PSD3: variants seen among roughly 807,000 people sequenced by gnomAD.
PSD3 encodes pleckstrin and Sec7 domain containing 3, also known as PH and SEC7 domain-containing protein 3.
In PSD3, 49 loss-of-function variants were observed where a neutral mutation model predicts 105.5. The observed-to-expected ratio is 0.46, with a 90% CI of 0.37 to 0.59. The LOEUF (loss-of-function observed/expected upper bound fraction) is 0.59, where lower values mean the gene tolerates loss of function less well. Among genes scored for constraint, PSD3 ranks in the 20% least tolerant of loss-of-function variants. The pLI, the probability that PSD3 is intolerant of heterozygous loss-of-function variation, is 0.00. For synonymous variants in PSD3, 557 were observed against 457.8 expected (o/e 1.22, Z -2.77); for missense variants, 1,561 against 1,263.8 (o/e 1.24, Z -3.57).
chr8:18,888,322 G>A lies in PSD3; in HGVS notation c.131-15589C>T, dbSNP rs938476903. ...TGGGCCAATGCCTTAAAACTTTCCA[G>A]CTTTAGCTTCCTTATCTCTGAGCTA... On this transcript the variant is annotated intron_variant, in intron 2 of 15. Transcript: ENST00000327040. Among the ~76,000 whole-genome samples the A allele has an allele frequency of 3.9e-5, 6 of 152,254 alleles. No homozygotes were observed. The East Asian group carries it at 1.2e-3, about 29-fold the overall frequency.
chr8:18,907,801 A>G (rs1819945261), intron 2 of PSD3, among the ~76,000 whole-genome samples: 1 of 152,254 alleles, frequency 6.6e-6, no homozygotes, highest in Admixed American at 6.5e-5. Flanking sequence ...CAACAGACAA[A>G]TAACAAACAG....
intron 1 of PSD3, among the ~76,000 whole-genome samples, chr8:18,947,065 AGTCCCTC>A (rs1563451547): frequency 6.6e-6 from 1 of 152,300 alleles, no homozygotes; most frequent in East Asian, 1.9e-4. Context: ...CCCTACAACC[AGTCCCTC>A]GTCCCCTCAC....
intron 4 of PSD3, among the ~76,000 whole-genome samples, chr8:18,824,119 G>C (rs1365217794): frequency 6.6e-6 from 1 of 152,142 alleles, no homozygotes; most frequent in Non-Finnish European, 1.5e-5. Context: ...GCTACAATCA[G>C]GTATGATCAT....
At chr8:18,773,856 T>C (rs1316400061) in intron 8 of PSD3, among the ~76,000 whole-genome samples, 1 of 152,216 alleles carries the variant, frequency 6.6e-6, no homozygotes, top group Non-Finnish European at 1.5e-5. Context: ...AGTACTTCAG[T>C]CTTAACAATA....
chr8:18,548,034 T>C (rs1281385525), intron 15 of PSD3, among the ~76,000 whole-genome samples: 1 of 152,222 alleles, frequency 6.6e-6, no homozygotes, highest in Non-Finnish European at 1.5e-5. Context: ...TAGGTATTTT[T>C]AACTGACATG....
intron 1 of PSD3, among the ~76,000 whole-genome samples, chr8:18,942,178 C>A (rs777304024): frequency 1.3e-5 from 2 of 152,116 alleles, no homozygotes; most frequent in Non-Finnish European, 2.9e-5. Flanking sequence ...TTAATTATTT[C>A]AACTTCAGTA....
intron 4 of PSD3, among the ~76,000 whole-genome samples, chr8:18,818,469 G>C (rs971198426): frequency 6.6e-6 from 1 of 151,912 alleles, no homozygotes; most frequent in Non-Finnish European, 1.5e-5. Flanking sequence ...GTTCTTTAAT[G>C]TGAATTAGAT....
intron 8 of PSD3, among the ~76,000 whole-genome samples, chr8:18,789,940 T>C (rs907594171): frequency 2.0e-5 from 3 of 152,206 alleles, no homozygotes; most frequent in African/African-American, 7.2e-5. Context: ...GACTGAATAA[T>C]GTGTAAGTTA....
chr8:18,916,377 CAAA>C lies in PSD3; in HGVS notation c.130+19654_130+19656del, dbSNP rs1187314648. ...ACACACACACACACACACACACACA[CAAA>C]CAGAATACTATACAGCCTTAAAAAT... On this transcript the variant is annotated intron_variant, in intron 2 of 15. Transcript: ENST00000327040. Among the ~76,000 whole-genome samples the C allele has an allele frequency of 6.8e-4, 29 of 42,516 alleles. 1 individual carries two copies. The highest frequency in any genetic ancestry group is 6.0e-3 in the Admixed American group (29 of 4,824). 27.9% of individuals were successfully genotyped at this position (42,516 alleles called of 152,430 possible).
At chr8:18,677,302 G>A (rs557652160) in intron 9 of PSD3, among the ~76,000 whole-genome samples, 47 of 152,274 alleles carry the variant, frequency 3.1e-4, no homozygotes, top group African/African-American at 1.1e-3. Context: ...AACCAGGTCA[G>A]CGCAGTGGCT....
intron 1 of PSD3, among the ~76,000 whole-genome samples, chr8:19,023,047 G>A (rs1201831607): frequency 6.6e-6 from 1 of 152,038 alleles, no homozygotes; most frequent in Non-Finnish European, 1.5e-5. Context: ...GTAGATATAT[G>A]TGCTCATAGG....
chr8:18,700,812 A>G (rs1433670702), intron 9 of PSD3, among the ~76,000 whole-genome samples: 1 of 152,088 alleles, frequency 6.6e-6, no homozygotes, highest in Non-Finnish European at 1.5e-5. Flanking sequence ...GATTCACAAC[A>G]TTTGAGTGAA....
At chr8:18,716,583 A>G (rs955639052) in intron 9 of PSD3, among the ~76,000 whole-genome samples, 2 of 152,154 alleles carry the variant, frequency 1.3e-5, no homozygotes, top group African/African-American at 4.8e-5. Context: ...GAGGGTATTC[A>G]AGACCCAGTT....
At chr8:19,047,034 G>A (rs1828344008) in intron 1 of PSD3, among the ~76,000 whole-genome samples, 1 of 151,988 alleles carries the variant, frequency 6.6e-6, no homozygotes, top group South Asian at 2.1e-4. Context: ...ACATTTATCA[G>A]TGTATCCTCT....
chr8:18,992,471 C>T (rs1825858494), intron 1 of PSD3, among the ~76,000 whole-genome samples: 1 of 152,082 alleles, frequency 6.6e-6, no homozygotes, highest in Admixed American at 6.6e-5. Flanking sequence ...CCACTATATC[C>T]TTTCTTATCC....
intron 9 of PSD3, among the ~76,000 whole-genome samples, chr8:18,697,641 T>TC (rs1296376422): frequency 6.6e-6 from 1 of 152,150 alleles, no homozygotes; most frequent in Non-Finnish European, 1.5e-5. Context: ...CCTTCTCTCC[T>TC]CCTTTATCTT....
At chr8:18,914,592 T>A (rs1040499563) in intron 2 of PSD3, among the ~76,000 whole-genome samples, 1 of 151,846 alleles carries the variant, frequency 6.6e-6, no homozygotes, top group East Asian at 1.9e-4. Context: ...AAAAAAGATA[T>A]CAAAAAATAA....
At chr8:18,709,795 A>C (rs75336706) in intron 9 of PSD3, among the ~76,000 whole-genome samples, 8,957 of 152,292 alleles carry the variant, frequency 0.059, 393 homozygotes, top group East Asian at 0.15. Context: ...AGAAAGCAAC[A>C]ACAACAATAA....
At chr8:18,778,092 G>A (rs1435654540) in intron 8 of PSD3, among the ~76,000 whole-genome samples, 1 of 152,174 alleles carries the variant, frequency 6.6e-6, no homozygotes, top group African/African-American at 2.4e-5. Context: ...GAATAGTACT[G>A]TAGTAAGTAC....
Sources: allele counts gnomAD v4.1 joint callset (sites outside exome capture counted in the v4.1 genomes callset), GRCh38; gene constraint gnomAD v4.1.1; transcripts MANE v1.5; gene names NCBI Gene and HGNC (gene_info 2026-07-23, HGNC 2026-07-21).